The following IYD variants were observed in gnomAD, a reference collection of about 807,000 sequenced individuals.
IYD encodes the protein iodotyrosine deiodinase 1.
Under a neutral mutation model 28.4 loss-of-function variants are expected in IYD, and 25 were observed. That is an observed-to-expected ratio of 0.88 (90% confidence interval 0.64 to 1.23). The LOEUF is 1.23. IYD is among the 50% of genes most tolerant of loss of function. The pLI, the probability that IYD is intolerant of heterozygous loss-of-function variation, is 0.00. For synonymous variants in IYD, 140 were observed against 130.8 expected, an observed-to-expected ratio of 1.07 and a Z score of -0.48; for missense variants, 352 against 357.9, an observed-to-expected ratio of 0.98 and a Z score of 0.13.
At chr6:150,374,568 G>A (rs189934381) in intron 1 of IYD, among the ~76,000 whole-genome samples, 23 of 152,254 alleles carry the variant, frequency 1.5e-4, no homozygotes, top group African/African-American at 5.3e-4. Context: ...CAAGCGAAAG[G>A]GGCTTCCCCT....
chr6:150,383,793 T>TAAAAAA (rs754408425), intron 1 of IYD, among the ~76,000 whole-genome samples: 3 of 57,222 alleles, frequency 5.2e-5, no homozygotes, highest in African/African-American at 1.6e-4. Flanking sequence ...ACCAAGTCTC[T>TAAAAAA]AAAAAAAAAA....
At chr6:150,381,123 T>C (rs1777632560) in intron 1 of IYD, among the ~76,000 whole-genome samples, 1 of 152,238 alleles carries the variant, frequency 6.6e-6, no homozygotes, top group Non-Finnish European at 1.5e-5. Context: ...ATGGCCAGTT[T>C]TGTTTACACT....
At chr6:150,392,947 T>C (rs1778178384) in intron 3 of IYD, among the ~76,000 whole-genome samples, 1 of 152,096 alleles carries the variant, frequency 6.6e-6, no homozygotes, top group Admixed American at 6.6e-5. Flanking sequence ...GGGAATTCAG[T>C]GTAAGTAGTT....
rs1778534966 is a variant in IYD at position 150,402,327 on chromosome 6, A to AGT, written c.*4092_*4093dup. ...CAATTCCATCGTACCTTGGCCTAGG[A>AGT]GTGACCTCCTCAGTCTCACAACCCT... On this transcript the variant is annotated 3_prime_UTR_variant, in exon 5 of 5. Coordinates refer to ENST00000344419, the MANE Select transcript of IYD (RefSeq NM_203395.3). 2.0e-5 allele frequency: 3 copies of AGT among 152,180 alleles called. No homozygotes were observed. Among genetic ancestry groups the AGT allele is most frequent in the Admixed American group, 6.5e-5 (1 of 15,288 alleles). The allele number at this position is 152,180 out of a possible 1,614,324, so 9.4% of individuals were successfully genotyped here. A position where few individuals can be genotyped will look rare whatever the true frequency, so the allele number is the denominator to read the frequency against.
rs1463171955 is a variant in IYD at position 150,398,352 on chromosome 6, T to A, written c.*115T>A. ...TTTCTCCAGGTGTCAGGTCCCCTCA[T>A]TGCTCTTCTCAGGTGGCCACACTAT... On this transcript the variant is annotated 3_prime_UTR_variant, in exon 5 of 5. Transcript: ENST00000344419. 2 of 996,288 alleles carry A rather than the reference T, an allele frequency of 2.0e-6. No homozygotes were observed. Among genetic ancestry groups the A allele is most frequent in the Non-Finnish European group, 3.1e-6 (2 of 644,584 alleles). The allele number at this position is 996,288 out of a possible 1,614,324, so 61.7% of individuals were successfully genotyped here.
intron 4 of IYD, chr6:150,395,480 A>G (rs1778277850): frequency 4.6e-6 from 7 of 1,537,274 alleles, no homozygotes; most frequent in African/African-American, 4.1e-5. Context: ...ACCATGCGGC[A>G]TCAGACTGCG....
chr6:150,404,091 C>G lies in IYD; in HGVS notation c.*5854C>G. 1 of 152,212 alleles carries G rather than the reference C, an allele frequency of 6.6e-6. No homozygotes were observed. Among genetic ancestry groups the G allele is most frequent in the East Asian group, 1.9e-4 (1 of 5,204 alleles). 9.4% of individuals were successfully genotyped at this position (152,212 alleles called of 1,614,324 possible). On this transcript the variant is annotated 3_prime_UTR_variant, in exon 5 of 5. Coordinates refer to ENST00000344419, the MANE Select transcript of IYD (RefSeq NM_203395.3). ...CTGTCTCCCAGCGCTGGAGTACTGT[C>G]TTATGACCAGAGATCCTAAGCAACC...
chr6:150,388,630 G>GCTTGCTTGCTTGCTTT (rs1490791585), intron 1 of IYD, among the ~76,000 whole-genome samples: 14 of 129,364 alleles, frequency 1.1e-4, no homozygotes, highest in African/African-American at 3.7e-4. Context: ...TGGAGTTTTT[G>GCTTGCTTGCTTGCTTT]CTTTCTTTCT....
At chr6:150,386,952 C>T (rs1043901389) in intron 1 of IYD, among the ~76,000 whole-genome samples, 7 of 152,088 alleles carry the variant, frequency 4.6e-5, no homozygotes, top group Non-Finnish European at 5.9e-5. Flanking sequence ...TGCAACTATT[C>T]TTGCCATGGT....
At chr6:150,383,300 T>C (rs769377741) in intron 1 of IYD, among the ~76,000 whole-genome samples, 22 of 152,146 alleles carry the variant, frequency 1.4e-4, no homozygotes, top group Non-Finnish European at 2.1e-4. Flanking sequence ...CAAGTCTCCA[T>C]GGGTAGACCT....
Position 150,398,445 on chromosome 6 carries a change from A to G in IYD, c.*208A>G, listed in dbSNP as rs546916403. 6.9e-6 allele frequency: 4 copies of G among 582,696 alleles called. No homozygotes were observed. Among genetic ancestry groups the G allele is most frequent in the African/African-American group, 5.6e-5 (3 of 53,722 alleles). 36.1% of individuals were successfully genotyped at this position (582,696 alleles called of 1,614,324 possible). On this transcript the variant is annotated 3_prime_UTR_variant, in exon 5 of 5. Transcript: ENST00000344419. The stretch of plus-strand genomic sequence containing the variant: ...AAATCCTGTTTCTTATCCACTTTGG[A>G]AATGCATGAACACTTTACAAAGAAC...
At chr6:150,381,482 C>G (rs671185) in intron 1 of IYD, among the ~76,000 whole-genome samples, 4 of 151,922 alleles carry the variant, frequency 2.6e-5, no homozygotes, top group Non-Finnish European at 5.9e-5. Context: ...AATGCACTCA[C>G]TGAAGAAGTG....
intron 1 of IYD, among the ~76,000 whole-genome samples, chr6:150,373,495 C>A (rs995699471): frequency 6.6e-6 from 1 of 152,196 alleles, no homozygotes; most frequent in Admixed American, 6.5e-5. Context: ...ACTTGCAGCT[C>A]TGAAAGTCCA....
intron 4 of IYD, chr6:150,396,037 A>G (rs906586200): frequency 7.2e-5 from 17 of 237,414 alleles, no homozygotes; most frequent in African/African-American, 3.8e-4. Context: ...AGCCTTTATT[A>G]ATATATTAAA....
chr6:150,370,907 C>T (rs756656303), intron 1 of IYD, among the ~76,000 whole-genome samples: 15 of 152,084 alleles, frequency 9.9e-5, no homozygotes, highest in African/African-American at 2.9e-4. Flanking sequence ...TGATTTCAGA[C>T]GACAGTGACA....
chr6:150,388,491 C>T (rs1364349538), intron 1 of IYD, among the ~76,000 whole-genome samples: 1 of 152,058 alleles, frequency 6.6e-6, no homozygotes, highest in Admixed American at 6.6e-5. Context: ...TTGAAAAATA[C>T]TTTATTTAGA....
At chr6:150,370,379 A>T (rs1396052925) in intron 1 of IYD, 1 of 506,758 alleles carries the variant, frequency 2.0e-6, no homozygotes, top group Non-Finnish European at 2.5e-6. Context: ...GTGAGCATGC[A>T]TGAGTTTGTG....
rs756847119 is a variant in IYD at position 150,369,161 on chromosome 6, G to T, written c.130G>T (p.Val44Leu). The T allele has an allele frequency of 6.2e-7, 1 of 1,613,734 alleles. No homozygotes were observed. The highest frequency in any genetic ancestry group is 8.5e-7 in the Non-Finnish European group (1 of 1,180,002). The change falls in exon 1 of 5, where the codon GTG (valine) becomes TTG (leucine). Residue 44 changes from valine (V) to leucine (L), a missense_variant. Val to Leu is a conservative substitution (Grantham distance 32). Transcript: ENST00000344419. ...PRTRAEARPW[V>L]DEDLKDSSDL... ...AACCAGGGCCGAAGCTCGCCCCTGG[G>T]TGGATGAAGACTTAAAAGACAGCAG... is the stretch of plus-strand genomic sequence containing the variant.
At chr6:150,377,977 T>C (rs775359984) in intron 1 of IYD, among the ~76,000 whole-genome samples, 19 of 152,132 alleles carry the variant, frequency 1.2e-4, no homozygotes, top group Non-Finnish European at 1.9e-4. Flanking sequence ...TTCTTCTAAA[T>C]AGGCCCAAAC....
Sources: allele counts gnomAD v4.1 joint callset (sites outside exome capture counted in the v4.1 genomes callset), GRCh38; gene constraint gnomAD v4.1.1; transcripts MANE v1.5; gene names NCBI Gene and HGNC (gene_info 2026-07-23, HGNC 2026-07-21).